EIF3D: variants seen among roughly 807,000 people sequenced by gnomAD.
EIF3D encodes the protein eukaryotic translation initiation factor 3 subunit D.
A neutral mutation model predicts 75.4 loss-of-function variants in EIF3D; 10 were observed. The observed-to-expected ratio is 0.13, with a 90% confidence interval of 0.08 to 0.22. The LOEUF (loss-of-function observed/expected upper bound fraction) is 0.22, where lower values mean the gene tolerates loss of function less well. EIF3D is among the 10% of genes least tolerant of loss of function. The pLI is 1.00. For missense variants in EIF3D, 394 were observed against 708.0 expected, an observed-to-expected ratio of 0.56 and a Z score of 5.03; for synonymous variants, 246 against 248.3, an observed-to-expected ratio of 0.99 and a Z score of 0.09.
At position 36,520,160 on chromosome 22, in the gene EIF3D, A is replaced by ATT. The variant is rs35646898; in HGVS notation, c.578+414_578+415dup. Among the ~76,000 whole-genome samples, 13 of 146,280 alleles carry ATT rather than the reference A, an allele frequency of 8.9e-5. No individual in the cohort carries two copies. In the East Asian group the frequency reaches 1.4e-3, roughly 16 times the overall value. Reference sequence around the variant, plus strand: ...ACTTCTGCTTTTCCCCTTGGTCTTGATTTTTTTTTTTTTGAGATGGAGTTT... The same window carrying ATT: ...ACTTCTGCTTTTCCCCTTGGTCTTGATTTTTTTTTTTTTTTGAGATGGAGTTT... On this transcript the variant is annotated intron_variant, in intron 7 of 14. Coordinates refer to ENST00000216190, the MANE Select transcript of EIF3D (RefSeq NM_003753.4).
At chr22:36,516,392 G>C (rs764252752) in intron 12 of EIF3D, 86 bp downstream of exon 12, 4 of 1,503,242 alleles carry the variant, frequency 2.7e-6, no homozygotes, top group Non-Finnish European at 3.6e-6. Flanking sequence ...ATAAGAAACA[G>C]TTTATACAAC....
In EIF3D at chr22:36,524,605, T is replaced by C. The variant is rs112159243; in HGVS notation, c.297A>G (p.Arg99=). The C allele has an allele frequency of 2.7e-3, 4,373 of 1,614,108 alleles. 17 individuals are homozygous for C. The highest frequency in any genetic ancestry group is 3.3e-3 in the Non-Finnish European group (3,858 of 1,180,022). Residue 99 remains arginine (R), a synonymous_variant, in exon 4 of 15, where the codon AGA becomes AGG. Transcript: ENST00000216190. Reference sequence around the variant, plus strand: ...CTGGCTCTTGGCCTACCTGGGCAAATCTCATTCGATTCCGCTGGTAGGCCG... The same window carrying C: ...CTGGCTCTTGGCCTACCTGGGCAAACCTCATTCGATTCCGCTGGTAGGCCG... ...QKTAYQRNRM[R]FAQRNLRRDK... is the part of the protein sequence containing the mutation.
intron 7 of EIF3D, 40 bp from the exon 8 acceptor site, chr22:36,519,577 A>C (rs769886914): frequency 3.1e-6 from 5 of 1,609,080 alleles, no homozygotes; most frequent in Non-Finnish European, 3.4e-6. Context: ...AGTAAGAGAG[A>C]TAACCCCCAG....
intron 12 of EIF3D, among the ~76,000 whole-genome samples, chr22:36,515,211 C>A (rs1345111897): frequency 2.6e-5 from 4 of 152,218 alleles, no homozygotes; most frequent in African/African-American, 9.7e-5. Context: ...GGACTTCTAA[C>A]CTACAAAACC....
At chr22:36,517,546 G>T in intron 9 of EIF3D, 115 bp from the exon 10 acceptor site, 1 of 1,280,394 alleles carries the variant, frequency 7.8e-7, no homozygotes. Flanking sequence ...TCAAAGAACT[G>T]CCCTCTCCTA....
rs890892419 is a variant in EIF3D at position 36,520,830 on chromosome 22, T to C, written c.466-142A>G. On this transcript the variant is annotated intron_variant, in intron 6 of 14. Transcript: ENST00000216190. ...AGCACTTTGGGAAGCTGGGGCAGGATGATTGCTTGAGCCCAGGAGTTTGAG... is the reference window on the plus strand; with the variant it reads ...AGCACTTTGGGAAGCTGGGGCAGGACGATTGCTTGAGCCCAGGAGTTTGAG... The C allele has an allele frequency of 1.6e-5, 9 of 570,054 alleles. No homozygotes were observed. In the East Asian group the frequency reaches 2.8e-4, roughly 18 times the overall value. 35.3% of individuals were successfully genotyped at this position (570,054 alleles called of 1,614,324 possible).
intron 12 of EIF3D, 63 bp downstream of exon 12, chr22:36,516,415 A>T: frequency 6.4e-7 from 1 of 1,569,430 alleles, no homozygotes; most frequent in Non-Finnish European, 8.7e-7. Context: ...AGCCTGCGTA[A>T]ACAGGCACTG....
intron 7 of EIF3D, among the ~76,000 whole-genome samples, chr22:36,520,367 A>C (rs1934493758): frequency 6.6e-6 from 1 of 152,200 alleles, no homozygotes; most frequent in Admixed American, 6.5e-5. Context: ...CATGTTGGCC[A>C]GGCTGGTCTT....
intron 13 of EIF3D, 133 bp downstream of exon 13, chr22:36,512,323 CCCCT>C (rs1166075652): frequency 8.2e-7 from 1 of 1,220,398 alleles, no homozygotes; most frequent in East Asian, 2.4e-5. Flanking sequence ...TCCTAACTGA[CCCCT>C]CCATCTCTAC....
chr22:36,524,573 G>A, intron 4 of EIF3D, 23 bp downstream of exon 4: 4 of 1,614,006 alleles, frequency 2.5e-6, no homozygotes, highest in Non-Finnish European at 2.5e-6. Flanking sequence ...CCAAGATGGT[G>A]TGGTTGCTGG....
intron 3 of EIF3D, among the ~76,000 whole-genome samples, chr22:36,525,239 C>A (rs713779): frequency 4.0e-4 from 38 of 93,920 alleles, no homozygotes; most frequent in South Asian, 7.3e-4. Flanking sequence ...AGGGGTTTTA[C>A]TTTTTTTTTT....
chr22:36,518,279 C>T (rs1934458257), intron 9 of EIF3D, among the ~76,000 whole-genome samples: 2 of 151,638 alleles, frequency 1.3e-5, no homozygotes, highest in Non-Finnish European at 3.0e-5. Context: ...TCACTTGAGG[C>T]CAGGAGTTCG....
chr22:36,521,224 G>A (rs779149542), intron 6 of EIF3D, among the ~76,000 whole-genome samples: 8 of 150,656 alleles, frequency 5.3e-5, no homozygotes, highest in Non-Finnish European at 1.0e-4. Context: ...AAGAAAAAGA[G>A]CTTTTATTCA....
At chr22:36,514,973 T>C (rs941451647) in intron 12 of EIF3D, among the ~76,000 whole-genome samples, 1 of 151,426 alleles carries the variant, frequency 6.6e-6, no homozygotes, top group Non-Finnish European at 1.5e-5. Flanking sequence ...TAAAAGTGTA[T>C]ACCAACCTCC....
intron 7 of EIF3D, among the ~76,000 whole-genome samples, chr22:36,519,939 C>T (rs1222126420): frequency 6.6e-6 from 1 of 152,164 alleles, no homozygotes; most frequent in East Asian, 1.9e-4. Flanking sequence ...TGAAGAATTG[C>T]TGTGTTTCTT....
intron 9 of EIF3D, among the ~76,000 whole-genome samples, chr22:36,517,816 C>A (rs145428574): frequency 3.3e-5 from 5 of 151,988 alleles, no homozygotes; most frequent in African/African-American, 1.2e-4. Context: ...GGTGTGTCCA[C>A]GGCTCACTGC....
chr22:36,513,499 C>T (rs1251439599), intron 12 of EIF3D, among the ~76,000 whole-genome samples: 3 of 152,108 alleles, frequency 2.0e-5, no homozygotes, highest in African/African-American at 7.2e-5. Flanking sequence ...TACGGGGTTT[C>T]ATCATGTTGG....
chr22:36,523,367 A>C, intron 5 of EIF3D, 86 bp from the exon 6 acceptor site: 4 of 1,060,872 alleles, frequency 3.8e-6, no homozygotes, highest in Non-Finnish European at 5.6e-6. Context: ...TCTTCAGCTA[A>C]ACCTTACCAT....
rs117640811 is a variant in EIF3D, at chr22:36,523,002, T to C, written c.465+207A>G. 1,460 of 502,048 alleles carry C rather than the reference T, an allele frequency of 2.9e-3. 8 individuals carry two copies. The highest frequency in any genetic ancestry group is 0.018 in the Middle Eastern group (31 of 1,704). 31.1% of individuals were successfully genotyped at this position (502,048 alleles called of 1,614,324 possible). On this transcript the variant is annotated intron_variant, in intron 6 of 14. Coordinates refer to ENST00000216190, the MANE Select transcript of EIF3D (RefSeq NM_003753.4). ...TTCTGTTCTAGCAACGGAAAACAGA[T>C]CAAGACAGGGTGACTGCTAAAGGGT...
Sources: allele counts gnomAD v4.1 joint callset (sites outside exome capture counted in the v4.1 genomes callset), GRCh38; gene constraint gnomAD v4.1.1; transcripts MANE v1.5; gene names NCBI Gene and HGNC (gene_info 2026-07-23, HGNC 2026-07-21).